N4BP1: variants seen among roughly 807,000 people sequenced by gnomAD.
The protein encoded by N4BP1 is NEDD4-binding protein 1.
N4BP1 carries 21 observed loss-of-function variants against 70.9 expected under a neutral mutation model. That is an observed-to-expected ratio of 0.30 (90% CI 0.21 to 0.43). N4BP1 has a LOEUF of 0.43. N4BP1 is among the 20% of genes least tolerant of loss of function. N4BP1 has a pLI of 1.00. For missense variants in N4BP1, 936 were observed against 1,069.4 expected (o/e 0.88, Z 1.74); for synonymous variants, 387 against 394.6 (o/e 0.98, Z 0.23).
intron 1 of N4BP1, among the ~76,000 whole-genome samples, chr16:48,582,670 T>C (rs1488720134): frequency 6.6e-6 from 1 of 152,200 alleles, no homozygotes; most frequent in African/African-American, 2.4e-5. Flanking sequence ...TAATTTAATC[T>C]TTATCATGGG....
intron 1 of N4BP1, among the ~76,000 whole-genome samples, chr16:48,606,309 A>G (rs569823704): frequency 6.6e-6 from 1 of 152,258 alleles, no homozygotes; most frequent in South Asian, 2.1e-4. Context: ...GCTAACTTGC[A>G]ACAATGTTCA....
At chr16:48,590,708 C>A (rs1381415597) in intron 1 of N4BP1, among the ~76,000 whole-genome samples, 2 of 152,190 alleles carry the variant, frequency 1.3e-5, no homozygotes, top group African/African-American at 2.4e-5. Context: ...TGTCCAATAA[C>A]TGTTCCCCTA....
At chr16:48,606,783 C>A (rs1301016871) in intron 1 of N4BP1, among the ~76,000 whole-genome samples, 1 of 152,212 alleles carries the variant, frequency 6.6e-6, no homozygotes, top group African/African-American at 2.4e-5. Context: ...CACAAGCAAA[C>A]CACTTGGTGG....
intron 1 of N4BP1, among the ~76,000 whole-genome samples, chr16:48,567,308 T>G (rs1042665887): frequency 6.6e-6 from 1 of 152,142 alleles, no homozygotes; most frequent in African/African-American, 2.4e-5. Flanking sequence ...GTATAATAAT[T>G]TACCTACTGC....
intron 1 of N4BP1, chr16:48,600,715 T>C: frequency 2.8e-6 from 1 of 352,852 alleles, no homozygotes; most frequent in Non-Finnish European, 5.5e-6. Context: ...TTGGAACTGC[T>C]AAATTATTTT....
intron 1 of N4BP1, among the ~76,000 whole-genome samples, chr16:48,591,885 CGT>C (rs1964344730): frequency 1.1e-5 from 1 of 94,910 alleles, no homozygotes; most frequent in Non-Finnish European, 1.8e-5. Flanking sequence ...TGTTACCTGA[CGT>C]TTTTTTTTTT....
intron 2 of N4BP1, among the ~76,000 whole-genome samples, chr16:48,555,261 GAGTC>G (rs761227607): frequency 1.3e-5 from 2 of 152,200 alleles, no homozygotes; most frequent in South Asian, 2.1e-4. Flanking sequence ...TTAGAAAAAG[GAGTC>G]ACTAGGGAAA....
At chr16:48,547,458 CTTTGT>C (rs1963605611) in intron 5 of N4BP1, among the ~76,000 whole-genome samples, 1 of 152,170 alleles carries the variant, frequency 6.6e-6, no homozygotes, top group Non-Finnish European at 1.5e-5. Context: ...CTTGACATAA[CTTTGT>C]TTTATTTTGG....
rs750355255 is a variant in N4BP1 at position 48,594,001 on chromosome 16, C to CAAAAAAAAAAAAAAAAA, written c.198+15757_198+15773dup. ...TGGGTGCCAGAGCAAGACTCCGTCT[C>CAAAAAAAAAAAAAAAAA]AAAAAAAAAAAAAAAAACAAAAAAA... On this transcript the variant is annotated intron_variant, in intron 1 of 6. Transcript: ENST00000262384. Among the ~76,000 whole-genome samples, 11 of 42,528 alleles carry CAAAAAAAAAAAAAAAAA rather than the reference C, an allele frequency of 2.6e-4. 2 individuals are homozygous for CAAAAAAAAAAAAAAAAA. Among genetic ancestry groups the CAAAAAAAAAAAAAAAAA allele is most frequent in the African/African-American group, 7.1e-4 (8 of 11,342 alleles). 27.9% of individuals were successfully genotyped at this position (42,528 alleles called of 152,430 possible). A position where few individuals can be genotyped will look rare whatever the true frequency, so the allele number is the denominator to read the frequency against.
At chr16:48,550,934 G>A (rs1397182545) in intron 4 of N4BP1, among the ~76,000 whole-genome samples, 2 of 151,042 alleles carry the variant, frequency 1.3e-5, no homozygotes. Context: ...AAAAAAAAAA[G>A]AAAGAAAAGA....
At chr16:48,566,226 A>AAT (rs1172647332) in intron 1 of N4BP1, among the ~76,000 whole-genome samples, 5 of 151,834 alleles carry the variant, frequency 3.3e-5, no homozygotes, top group Admixed American at 3.3e-4. Context: ...TATTATTATT[A>AAT]TAGAGGCAAG....
rs755355322 is a variant in N4BP1 at position 48,560,758 on chromosome 16, T to C, written c.1885A>G (p.Ile629Val). 14 of 1,595,996 alleles carry C rather than the reference T, an allele frequency of 8.8e-6. No homozygotes were observed. In the South Asian group the frequency reaches 1.0e-4, roughly 12 times the overall value. ...ATCTGCAGAGAATGGACTTACGTAA[T>C]TGCAACATTGCTCCCATCTATAACA... ...HIVIDGSNVAITHGLKKFFSC... is the reference protein window; with the variant it reads ...HIVIDGSNVAVTHGLKKFFSC... Residue 629 changes from isoleucine to valine, a missense_variant, in exon 2 of 7, where the codon ATT becomes GTT. Around this residue, in one of 4 missense-constraint regions of N4BP1, gnomAD observed 229 missense variants for 343.5 expected, o/e 0.67. Transcript: ENST00000262384.
intron 1 of N4BP1, among the ~76,000 whole-genome samples, chr16:48,566,160 C>T (rs1432149272): frequency 6.6e-6 from 1 of 151,954 alleles, no homozygotes; most frequent in Non-Finnish European, 1.5e-5. Context: ...TTATTCTGCT[C>T]TTCTTTTTCT....
At chr16:48,595,621 T>C (rs1049267052) in intron 1 of N4BP1, among the ~76,000 whole-genome samples, 1 of 152,244 alleles carries the variant, frequency 6.6e-6, no homozygotes, top group Non-Finnish European at 1.5e-5. Context: ...CTTATGGTGA[T>C]ATAGTTATTT....
At chr16:48,595,685 T>A (rs1299963905) in intron 1 of N4BP1, among the ~76,000 whole-genome samples, 3 of 152,196 alleles carry the variant, frequency 2.0e-5, no homozygotes, top group Non-Finnish European at 4.4e-5. Flanking sequence ...TTGGAGAAAC[T>A]GGTTATTTTA....
Position 48,594,065 on chromosome 16 carries a change from C to A in N4BP1, c.198+15710G>T, listed in dbSNP as rs185172589. Among the ~76,000 whole-genome samples the A allele has an allele frequency of 4.1e-5, 6 of 146,740 alleles. No individual in the cohort carries two copies. The South Asian group carries it at 6.4e-4, about 16-fold the overall frequency. ...TTAGCATTTTAAAGATGCACTAATG[C>A]AAACATTAAATTTGGTTTTCTCTTT... On this transcript the variant is annotated intron_variant, in intron 1 of 6. Transcript: ENST00000262384.
chr16:48,581,842 T>C (rs1400437442), intron 1 of N4BP1, among the ~76,000 whole-genome samples: 3 of 152,094 alleles, frequency 2.0e-5, no homozygotes, highest in Admixed American at 2.0e-4. Flanking sequence ...GACTCCAAAC[T>C]ATGAAACTAC....
intron 1 of N4BP1, among the ~76,000 whole-genome samples, chr16:48,572,760 A>C (rs1364653035): frequency 2.6e-5 from 4 of 152,204 alleles, no homozygotes; most frequent in Admixed American, 2.6e-4. Context: ...AAATAGAGAT[A>C]TAAATAAATA....
rs2151083290 is a variant in N4BP1 at position 48,541,560 on chromosome 16, C to T, written c.*1344G>A. 1 of 152,524 alleles carries T rather than the reference C, an allele frequency of 6.6e-6. No homozygotes were observed. Among genetic ancestry groups the T allele is most frequent in the East Asian group, 1.9e-4 (1 of 5,174 alleles). 9.4% of individuals were successfully genotyped at this position (152,524 alleles called of 1,614,324 possible). A position where few individuals can be genotyped will look rare whatever the true frequency, so the allele number is the denominator to read the frequency against. ...CCCAAGTCCCCTCACCATTTACAAA[C>T]CAGCACTGAGTTCTCAGCCTCCGCT... On this transcript the variant is annotated 3_prime_UTR_variant, in exon 7 of 7. Coordinates refer to ENST00000262384, the MANE Select transcript of N4BP1 (RefSeq NM_153029.4).
Sources: allele counts gnomAD v4.1 joint callset (sites outside exome capture counted in the v4.1 genomes callset), GRCh38; gene constraint gnomAD v4.1.1; regional missense constraint gnomAD v4.1.1; transcripts MANE v1.5; gene names NCBI Gene and HGNC (gene_info 2026-07-23, HGNC 2026-07-21).